Variants in PLEKHA7 observed in about 807,000 individuals in gnomAD.
PLEKHA7 encodes the protein pleckstrin homology domain containing A7.
In PLEKHA7, 104 loss-of-function variants were observed where a neutral mutation model predicts 170.0. The ratio of observed to expected loss-of-function variants is 0.61; its 90% CI spans 0.52 to 0.72. PLEKHA7 has a LOEUF of 0.72. Among genes scored for constraint, PLEKHA7 ranks in the 30% least tolerant of loss-of-function variants. PLEKHA7 has a pLI of 0.00. For synonymous variants in PLEKHA7, 648 were observed against 660.8 expected (o/e 0.98, Z 0.30); for missense variants, 1,615 against 1,671.7 (o/e 0.97, Z 0.59).
At chr11:16,943,472 C>T (rs1406845420) in intron 3 of PLEKHA7, among the ~76,000 whole-genome samples, 3 of 152,100 alleles carry the variant, frequency 2.0e-5, no homozygotes, top group African/African-American at 7.2e-5. Flanking sequence ...ACAGACAGGG[C>T]AGAATCAGAG....
chr11:16,995,826 C>G lies in PLEKHA7; in HGVS notation c.221+18163G>C, dbSNP rs550573151. On this transcript the variant is annotated intron_variant, in intron 3 of 26. Coordinates refer to ENST00000531066, the MANE Select transcript of PLEKHA7 (RefSeq NM_001329630.2). ...TGCCTAAACCTATAAGCTATAACAG[C>G]CAAGGTCGTAATTAGGATGCAGGTG... 2.6e-5 allele frequency among the ~76,000 whole-genome samples: 4 copies of G among 152,214 alleles called. No homozygotes were observed. In the East Asian group the frequency reaches 7.7e-4, roughly 29 times the overall value.
At chr11:16,855,980 C>A in intron 4 of PLEKHA7, 66 bp from the exon 5 acceptor site, 2 of 1,339,260 alleles carry the variant, frequency 1.5e-6, no homozygotes, top group Non-Finnish European at 1.1e-6. Flanking sequence ...GCAGTAAGAT[C>A]AGTTCCAGGT....
intron 13 of PLEKHA7, among the ~76,000 whole-genome samples, chr11:16,805,804 A>C (rs1266945108): frequency 2.8e-5 from 4 of 144,058 alleles, no homozygotes; most frequent in African/African-American, 1.2e-4. Context: ...AAAAAAAAAA[A>C]AAACAAAAAC....
intron 10 of PLEKHA7, among the ~76,000 whole-genome samples, chr11:16,820,404 T>A (rs757578494): frequency 3.9e-5 from 6 of 152,234 alleles, no homozygotes; most frequent in Non-Finnish European, 5.9e-5. Flanking sequence ...TTACAGTAGA[T>A]AATTTTAAGA....
Position 16,817,142 on chromosome 11 carries a change from C to T in PLEKHA7, c.1524G>A (p.Ser508=), listed in dbSNP as rs1849825953. 6.2e-6 allele frequency: 10 copies of T among 1,614,070 alleles called. No individual in the cohort carries two copies. Among genetic ancestry groups the T allele is most frequent in the Admixed American group, 3.3e-5 (2 of 60,006 alleles). Reference sequence around the variant, plus strand: ...CCCGGTGCGCCCGGCGCTCTTCACTCGACATCTTCAGGTGGCTGGCTCGGT... The same window carrying T: ...CCCGGTGCGCCCGGCGCTCTTCACTTGACATCTTCAGGTGGCTGGCTCGGT... ...AQDRASHLKM[S]SEERRAHRDG... is the part of the protein sequence containing the mutation. The change falls in exon 11 of 27, where the codon TCG becomes TCA. Residue 508 remains serine (S), a synonymous_variant. Transcript: ENST00000531066. This position sits in a 1 kb window ranked among gnomAD's most constrained non-coding sequence, Gnocchi z 4.4.
At chr11:16,906,279 G>GAAGA (rs1857679445) in intron 3 of PLEKHA7, among the ~76,000 whole-genome samples, 1 of 109,360 alleles carries the variant, frequency 9.1e-6, no homozygotes, top group Non-Finnish European at 2.0e-5. Flanking sequence ...AGGAAGGAAG[G>GAAGA]AAAGAAAGAA....
intron 17 of PLEKHA7, among the ~76,000 whole-genome samples, chr11:16,797,616 C>G (rs1023829381): frequency 1.3e-5 from 2 of 152,186 alleles, no homozygotes; most frequent in African/African-American, 4.8e-5. Flanking sequence ...AAAGCACATC[C>G]TCAGGTCTGG....
intron 3 of PLEKHA7, among the ~76,000 whole-genome samples, chr11:16,995,570 C>T (rs761905109): frequency 3.5e-4 from 53 of 152,186 alleles, no homozygotes; most frequent in Non-Finnish European, 6.3e-4. Context: ...TAGTCACATG[C>T]CACCTGACCA....
At chr11:16,819,852 AG>A (rs1685325674) in intron 10 of PLEKHA7, among the ~76,000 whole-genome samples, 2 of 152,230 alleles carry the variant, frequency 1.3e-5, no homozygotes, top group African/African-American at 4.8e-5. Context: ...AGTTTCAGTT[AG>A]GAGGAATAAG....
chr11:16,996,598 G>C (rs1171392828), intron 3 of PLEKHA7, among the ~76,000 whole-genome samples: 1 of 152,198 alleles, frequency 6.6e-6, no homozygotes, highest in Admixed American at 6.5e-5. Flanking sequence ...TCCTCAGCCA[G>C]GACTGAGTTT....
intron 3 of PLEKHA7, among the ~76,000 whole-genome samples, chr11:16,995,891 T>C (rs1454656990): frequency 6.6e-6 from 1 of 152,176 alleles, no homozygotes; most frequent in Non-Finnish European, 1.5e-5. Flanking sequence ...TTTTAAAACC[T>C]TAGTTAAACC....
chr11:16,850,687 G>A (rs1321415594), intron 8 of PLEKHA7, among the ~76,000 whole-genome samples: 1 of 152,220 alleles, frequency 6.6e-6, no homozygotes, highest in Non-Finnish European at 1.5e-5. Context: ...AAAGGGATCT[G>A]CCTGGAAATC....
intron 3 of PLEKHA7, among the ~76,000 whole-genome samples, chr11:16,978,647 G>A (rs1035216244): frequency 1.3e-5 from 2 of 152,186 alleles, no homozygotes; most frequent in East Asian, 3.8e-4. Context: ...TGGCCAGTTA[G>A]GTTGTTTGCA....
chr11:16,947,915 C>CAAAAAAAAAAAAAAAAA (rs756124686), intron 3 of PLEKHA7, among the ~76,000 whole-genome samples: 7 of 66,768 alleles, frequency 1.0e-4, no homozygotes, highest in East Asian at 1.2e-3. Context: ...GACTCCGTCT[C>CAAAAAAAAAAAAAAAAA]AAAAAAAAAA....
intron 13 of PLEKHA7, among the ~76,000 whole-genome samples, chr11:16,809,463 C>CA (rs1189992108): frequency 6.6e-6 from 1 of 152,206 alleles, no homozygotes; most frequent in Non-Finnish European, 1.5e-5. Context: ...ATCCTTACCT[C>CA]ACCCCCCTCC....
intron 4 of PLEKHA7, among the ~76,000 whole-genome samples, chr11:16,869,271 G>A (rs1295935948): frequency 6.6e-6 from 1 of 152,154 alleles, no homozygotes; most frequent in East Asian, 1.9e-4. Context: ...CATCTCCCAT[G>A]GACCACCAGT....
At chr11:16,938,758 T>C (rs1326274405) in intron 3 of PLEKHA7, among the ~76,000 whole-genome samples, 3 of 152,204 alleles carry the variant, frequency 2.0e-5, no homozygotes, top group Non-Finnish European at 4.4e-5. Context: ...TGCACCTCAT[T>C]AAAAAATAGA....
chr11:16,930,516 G>A (rs528344777), intron 3 of PLEKHA7, among the ~76,000 whole-genome samples: 1 of 152,286 alleles, frequency 6.6e-6, no homozygotes, highest in African/African-American at 2.4e-5. Flanking sequence ...GATAAGGGAT[G>A]CTTGTATTAT....
intron 3 of PLEKHA7, among the ~76,000 whole-genome samples, chr11:16,968,800 C>T (rs1333573823): frequency 6.6e-6 from 1 of 152,120 alleles, no homozygotes. Context: ...GATTTCACAT[C>T]CCCCACTTAA....
Sources: gnomAD v4.1 joint callset for allele counts (sites outside exome capture counted in the v4.1 genomes callset) on GRCh38, gnomAD v4.1.1 for gene constraint, Gnocchi (gnomAD v3.1) non-coding constraint, MANE v1.5 for transcripts, NCBI Gene and HGNC (gene_info 2026-07-23, HGNC 2026-07-21) for gene names.